The following AGRN variants were observed in gnomAD, a reference collection of about 807,000 sequenced individuals.
AGRN encodes the protein agrin.
AGRN carries 106 observed loss-of-function variants against 211.0 expected under a neutral mutation model. The observed-to-expected ratio is 0.50, with a 90% CI of 0.43 to 0.59. The LOEUF (loss-of-function observed/expected upper bound fraction) is 0.59, where lower values mean the gene tolerates loss of function less well. Among genes scored for constraint, AGRN ranks in the 20% least tolerant of loss-of-function variants. The probability of loss-of-function intolerance (pLI) is 0.00; values close to 1 mark genes in which losing one functional copy is unlikely to be tolerated. For missense variants in AGRN, 3,040 were observed against 2,982.6 expected (o/e 1.02, Z -0.45); for synonymous variants, 1,525 against 1,332.5 (o/e 1.14, Z -3.15).
intron 4 of AGRN, 57 bp downstream of exon 4, chr1:1,040,937 G>T: frequency 7.9e-7 from 1 of 1,271,602 alleles, no homozygotes; most frequent in Non-Finnish European, 1.0e-6. Context: ...ATGAGATGGA[G>T]CGAGGCTGGG....
chr1:1,021,271 C>G (rs1472780044), intron 1 of AGRN, among the ~76,000 whole-genome samples: 3 of 152,230 alleles, frequency 2.0e-5, no homozygotes, highest in Admixed American at 6.5e-5. Context: ...ACTTCCTCCC[C>G]GCTGCTCCTG....
intron 35 of AGRN, 99 bp from the exon 36 acceptor site, chr1:1,054,725 G>A: frequency 1.3e-6 from 2 of 1,510,156 alleles, no homozygotes; most frequent in Non-Finnish European, 1.8e-6. Flanking sequence ...CCGGGAGGCG[G>A]GTGCCCAGGT....
chr1:1,052,168 TG>T, intron 33 of AGRN: 1 of 1,011,280 alleles, frequency 9.9e-7, no homozygotes, highest in Non-Finnish European at 1.4e-6. Flanking sequence ...GGCCGTTTCC[TG>T]CCTCAGAAGT....
At chr1:1,051,074 T>G in intron 30 of AGRN, 179 bp from the exon 31 acceptor site, 1 of 1,547,560 alleles carries the variant, frequency 6.5e-7, no homozygotes, top group South Asian at 1.2e-5. Flanking sequence ...GCTCACCGTC[T>G]CTGGCGCCTC....
rs1294593788 is a variant in AGRN, at chr1:1,040,710, A to G, written c.557A>G (p.Asn186Ser). The G allele has an allele frequency of 1.1e-5, 17 of 1,547,028 alleles. No individual in the cohort carries two copies. The highest frequency in any genetic ancestry group is 2.0e-5 in the Admixed American group (1 of 51,114). Residue 186 changes from asparagine (N) to serine (S), a missense_variant, in exon 4 of 36, where the codon AAC becomes AGC. Coordinates refer to ENST00000379370, the MANE Select transcript of AGRN (RefSeq NM_198576.4). ...GGCTTCGGCGCCGTGTGCGAGCCCA[A>G]CGCGGAGGGGCCGGGCCGGGCGTCC... ...LCGFGAVCEP[N>S]AEGPGRASCV...
Position 1,041,506 on chromosome 1 carries a change from G to T in AGRN, c.981G>T (p.Pro327=). ...CDPCQGALPD[P]SRSCRVNPRT... is the part of the protein sequence containing the mutation. ...CCTGTCAGGGCGCCCTCCCTGACCC[G>T]AGCCGCAGCTGCCGTGTGAACCCGC... is the stretch of plus-strand genomic sequence containing the variant. The change falls in exon 6 of 36, where the codon CCG becomes CCT. Residue 327 remains proline (P), a synonymous_variant. Transcript: ENST00000379370. 1 of 1,598,838 alleles carries T rather than the reference G, an allele frequency of 6.3e-7. No individual in the cohort carries two copies. Among genetic ancestry groups the T allele is most frequent in the Non-Finnish European group, 8.5e-7 (1 of 1,178,232 alleles).
chr1:1,040,654 A>C lies in AGRN; in HGVS notation c.512-11A>C, dbSNP rs1213490712. ...CTCGGCACCCTGAGCTTTCTCCCCT[A>C]CCCGCCCCAGCGTGCCGGGGAATGC... is the stretch of plus-strand genomic sequence containing the variant. On this transcript the variant is annotated splice_polypyrimidine_tract_variant and intron_variant, in intron 3 of 35. Transcript: ENST00000379370. The C allele has an allele frequency of 4.2e-5, 65 of 1,545,982 alleles. 1 individual carries two copies. Among genetic ancestry groups the C allele is most frequent in the Non-Finnish European group, 5.4e-5 (62 of 1,146,120 alleles).
chr1:1,054,338 T>G (rs534419126), intron 34 of AGRN, 110 bp from the exon 35 acceptor site: 29 of 1,034,870 alleles, frequency 2.8e-5, no homozygotes, highest in Admixed American at 4.1e-5. Context: ...ACCTCGGGGG[T>G]TCTCCAGGCT....
Position 1,047,451 on chromosome 1 carries a change from C to T in AGRN, c.3513C>T (p.Ser1171=), listed in dbSNP as rs769951467. The change falls in exon 20 of 36, where the codon AGC becomes AGT. Residue 1171 remains serine (S), a synonymous_variant. Coordinates refer to ENST00000379370, the MANE Select transcript of AGRN (RefSeq NM_198576.4). ...LFGETARSIE[S]TLDDLFRNSD... ...GGGAGACAGCCAGGAGCATTGAGAG[C>T]ACCGTAAGACGGGGGCGCAGCCCCC... is the stretch of plus-strand genomic sequence containing the variant. 1.2e-6 allele frequency: 2 copies of T among 1,612,704 alleles called. No homozygotes were observed. The highest frequency in any genetic ancestry group is 2.2e-5 in the East Asian group (1 of 44,886).
chr1:1,023,629 G>C lies in AGRN; in HGVS notation c.463+1167G>C, dbSNP rs560245547. Among the ~76,000 whole-genome samples the C allele has an allele frequency of 2.6e-5, 4 of 152,310 alleles. No homozygotes were observed. The South Asian group carries it at 8.3e-4, about 32-fold the overall frequency. Reference sequence around the variant, plus strand: ...AGGGCGAGGAGAGGTTCCTGTCCCTGCAAGATCAGGAGAGGGGGTCACTAA... The same window carrying C: ...AGGGCGAGGAGAGGTTCCTGTCCCTCCAAGATCAGGAGAGGGGGTCACTAA... On this transcript the variant is annotated intron_variant, in intron 2 of 35. Coordinates refer to ENST00000379370, the MANE Select transcript of AGRN (RefSeq NM_198576.4).
chr1:1,042,089 C>T lies in AGRN; in HGVS notation c.1311C>T (p.Asp437=). The T allele has an allele frequency of 6.2e-7, 1 of 1,604,774 alleles. No individual in the cohort carries two copies. The highest frequency in any genetic ancestry group is 8.5e-7 in the Non-Finnish European group (1 of 1,178,918). The change falls in exon 7 of 36, where the codon GAC becomes GAT. Residue 437 remains aspartate, a synonymous_variant. Coordinates refer to ENST00000379370, the MANE Select transcript of AGRN (RefSeq NM_198576.4). ...PVCAQDGRTY[D]SDCWRQQAEC... is the part of the protein sequence containing the mutation. ...GTGCCCAGGACGGGCGCACGTATGACAGTGATTGCTGGCGGCAGCAGGCTG... is the reference window on the plus strand; with the variant it reads ...GTGCCCAGGACGGGCGCACGTATGATAGTGATTGCTGGCGGCAGCAGGCTG...
intron 2 of AGRN, chr1:1,034,468 G>A (rs1644752409): frequency 1.9e-5 from 19 of 985,670 alleles, no homozygotes; most frequent in Non-Finnish European, 2.0e-5. Flanking sequence ...GTCCCAGGAT[G>A]GGGCGAGCAG....
chr1:1,051,843 G>C (rs200741877), intron 33 of AGRN, 28 bp downstream of exon 33: 15 of 1,612,542 alleles, frequency 9.3e-6, no homozygotes, highest in Non-Finnish European at 1.3e-5. Flanking sequence ...GCTGGCTGTC[G>C]GTTCCATCTG....
At chr1:1,046,121 A>C (rs766532377) in intron 16 of AGRN, 33 bp downstream of exon 16, 2 of 1,613,920 alleles carry the variant, frequency 1.2e-6, no homozygotes, top group East Asian at 4.5e-5. Context: ...GGGAGTGGGG[A>C]GGAGGCCTCG....
Position 1,048,626 on chromosome 1 carries a change from C to T in AGRN, c.4106-241C>T, listed in dbSNP as rs560952229. On this transcript the variant is annotated intron_variant, in intron 23 of 35. Coordinates refer to ENST00000379370, the MANE Select transcript of AGRN (RefSeq NM_198576.4). This position sits in a 1 kb window ranked among gnomAD's most constrained non-coding sequence, Gnocchi z 5.9. ...TCTCTACTAAAAATACAAAATTAGC[C>T]GGGCGTGGTGGTGGGCGCCTGTAAT... is the stretch of plus-strand genomic sequence containing the variant. 20 of 597,966 alleles carry T rather than the reference C, an allele frequency of 3.3e-5. No individual in the cohort carries two copies. Among genetic ancestry groups the T allele is most frequent in the Admixed American group, 1.9e-4 (6 of 31,708 alleles). The allele number at this position is 597,966 out of a possible 1,614,324, so 37.0% of individuals were successfully genotyped here.
chr1:1,047,623 C>G lies in AGRN; in HGVS notation c.3567C>G (p.Val1189=). 2 of 1,613,066 alleles carry G rather than the reference C, an allele frequency of 1.2e-6. No homozygotes were observed. The highest frequency in any genetic ancestry group is 1.7e-6 in the Non-Finnish European group (2 of 1,180,024). ...NSDVKKDFRS[V]RLRDLGPGKS... is the part of the protein sequence containing the mutation. ...ACGTCAAGAAGGATTTTCGGAGTGT[C>G]CGCTTGCGGGACCTGGGGCCCGGCA... is the stretch of plus-strand genomic sequence containing the variant. The change falls in exon 21 of 36, where the codon GTC becomes GTG. Residue 1189 remains valine, a synonymous_variant. Transcript: ENST00000379370.
rs370061386 is a variant in AGRN, at chr1:1,046,039, C to T, written c.2756C>T (p.Ala919Val). The T allele has an allele frequency of 1.9e-6, 3 of 1,614,030 alleles. No individual in the cohort carries two copies. Among genetic ancestry groups the T allele is most frequent in the South Asian group, 1.1e-5 (1 of 91,084 alleles). The change falls in exon 16 of 36, where the codon GCC becomes GTC. Residue 919 changes from alanine (A) to valine (V), a missense_variant. By Grantham distance (64) the Ala-to-Val change is moderately conservative. Around this residue, in one of 3 missense-constraint regions of AGRN, gnomAD observed 1,498 missense variants for 1,457.8 expected, o/e 1.03. Transcript: ENST00000379370. ...GARCVEESGS[A>V]HCVCPMLTCP... ...CGGTGCGTGGAGGAGTCTGGCTCAG[C>T]CCACTGTGTCTGCCCGATGCTCACC...
Position 1,044,234 on chromosome 1 carries a change from T to C in AGRN, c.2125T>C (p.Cys709Arg), listed in dbSNP as rs1645028518. The C allele has an allele frequency of 6.2e-7, 1 of 1,612,616 alleles. No individual in the cohort carries two copies. The highest frequency in any genetic ancestry group is 8.5e-7 in the Non-Finnish European group (1 of 1,179,856). ...EDGPCVCDFS[C>R]QSVPGSPVCG... ...CGGGCCGTGTGTCTGTGACTTCAGC[T>C]GCCAGAGTGTCCCAGGCAGCCCGGT... Residue 709 changes from cysteine (C) to arginine (R), a missense_variant, in exon 11 of 36, where the codon TGC becomes CGC. Physicochemically the swap from Cys to Arg is radical, Grantham distance 180. Transcript: ENST00000379370.
intron 33 of AGRN, chr1:1,052,161 C>T (rs1570252532): frequency 4.0e-5 from 42 of 1,047,514 alleles, no homozygotes; most frequent in South Asian, 2.8e-4. Flanking sequence ...TGCAAGAGGC[C>T]GTTTCCTGCC....
Sources: allele counts gnomAD v4.1 joint callset (sites outside exome capture counted in the v4.1 genomes callset), GRCh38; gene constraint gnomAD v4.1.1; regional missense constraint gnomAD v4.1.1; non-coding constraint Gnocchi (gnomAD v3.1); transcripts MANE v1.5; gene names NCBI Gene and HGNC (gene_info 2026-07-23, HGNC 2026-07-21).